MYO1E: variants seen among roughly 807,000 people sequenced by gnomAD.
MYO1E encodes unconventional myosin-Ie.
A neutral mutation model predicts 151.1 loss-of-function variants in MYO1E; 68 were observed. The ratio of observed to expected loss-of-function variants is 0.45; its 90% CI spans 0.37 to 0.55. The LOEUF is 0.55. Among genes scored for constraint, MYO1E ranks in the 20% least tolerant of loss-of-function variants. The pLI is 0.00. For synonymous variants in MYO1E, 601 were observed against 501.7 expected (o/e 1.20, Z -2.64); for missense variants, 1,363 against 1,389.3 (o/e 0.98, Z 0.30).
At position 59,258,989 on chromosome 15, in the gene MYO1E, G is replaced by T. The variant is rs1342094242; in HGVS notation, c.237+2431C>A. Reference sequence around the variant, plus strand: ...GTTTTTGTTTTTAAATAGAGACAGGGTCTCACCATGTTGCCCAGGCTGGTC... The same window carrying T: ...GTTTTTGTTTTTAAATAGAGACAGGTTCTCACCATGTTGCCCAGGCTGGTC... On this transcript the variant is annotated intron_variant, in intron 3 of 27. Coordinates refer to ENST00000288235, the MANE Select transcript of MYO1E (RefSeq NM_004998.4). Among the ~76,000 whole-genome samples, 9 of 151,054 alleles carry T rather than the reference G, an allele frequency of 6.0e-5. No individual in the cohort carries two copies. The East Asian group carries it at 1.6e-3, about 26-fold the overall frequency.
At chr15:59,340,192 G>T (rs1192430195) in intron 1 of MYO1E, among the ~76,000 whole-genome samples, 1 of 151,992 alleles carries the variant, frequency 6.6e-6, no homozygotes, top group African/African-American at 2.4e-5. Context: ...GGGCATGGTG[G>T]TGTGCAACCT....
chr15:59,166,437 G>A (rs2079563123), intron 22 of MYO1E, among the ~76,000 whole-genome samples: 2 of 151,892 alleles, frequency 1.3e-5, no homozygotes, highest in African/African-American at 2.4e-5. Context: ...CTGTCTTTGC[G>A]GCTTACTGTT....
intron 5 of MYO1E, 127 bp from the exon 6 acceptor site, chr15:59,231,918 T>C (rs747256108): frequency 2.5e-6 from 2 of 795,276 alleles, no homozygotes; most frequent in South Asian, 2.9e-5. Flanking sequence ...CGTGTGTCAC[T>C]GGTGGGGTTT....
At chr15:59,266,082 T>C (rs1391106695) in intron 2 of MYO1E, among the ~76,000 whole-genome samples, 5 of 152,218 alleles carry the variant, frequency 3.3e-5, no homozygotes, top group Admixed American at 6.5e-5. Flanking sequence ...CGGTGAGAGT[T>C]TGGAATAATT....
chr15:59,151,072 T>TAG (rs1246156393), intron 26 of MYO1E, among the ~76,000 whole-genome samples: 7 of 139,186 alleles, frequency 5.0e-5, no homozygotes, highest in Admixed American at 4.9e-4. Flanking sequence ...CACGTGCACT[T>TAG]AGAGAGAGGT....
At chr15:59,190,446 C>G (rs1289259005) in intron 17 of MYO1E, among the ~76,000 whole-genome samples, 1 of 152,230 alleles carries the variant, frequency 6.6e-6, no homozygotes, top group Non-Finnish European at 1.5e-5. Context: ...CAGTAAGGCT[C>G]TCACAAAAAC....
At chr15:59,244,076 G>C (rs1258350462) in intron 4 of MYO1E, among the ~76,000 whole-genome samples, 1 of 152,248 alleles carries the variant, frequency 6.6e-6, no homozygotes, top group Non-Finnish European at 1.5e-5. Context: ...CAGCCATGCT[G>C]AAACCACTGG....
intron 6 of MYO1E, among the ~76,000 whole-genome samples, chr15:59,231,473 C>A (rs1031725091): frequency 6.6e-6 from 1 of 152,188 alleles, no homozygotes; most frequent in Non-Finnish European, 1.5e-5. Flanking sequence ...AGTAAGGCAA[C>A]TGATGTGGAA....
At chr15:59,139,387 C>T (rs12898845) in intron 26 of MYO1E, among the ~76,000 whole-genome samples, 1 of 142,966 alleles carries the variant, frequency 7.0e-6, no homozygotes, top group African/African-American at 2.7e-5. Flanking sequence ...TTACTCATCA[C>T]ACTTCCCTCC....
intron 22 of MYO1E, among the ~76,000 whole-genome samples, chr15:59,164,755 C>T (rs2079555026): frequency 6.6e-6 from 1 of 152,212 alleles, no homozygotes; most frequent in African/African-American, 2.4e-5. Flanking sequence ...CTATCTCAGG[C>T]TTGTCAGGAA....
chr15:59,161,034 C>G lies in MYO1E; in HGVS notation c.2785+39G>C, dbSNP rs370901159. On this transcript the variant is annotated intron_variant, in intron 24 of 27. Coordinates refer to ENST00000288235, the MANE Select transcript of MYO1E (RefSeq NM_004998.4). ...CATTTGCTCGGGAGACTCGGGGGAGCGGCGGCAGTTCTGCCTGCAGGGCCC... is the reference window on the plus strand; with the variant it reads ...CATTTGCTCGGGAGACTCGGGGGAGGGGCGGCAGTTCTGCCTGCAGGGCCC... 3.1e-6 allele frequency: 5 copies of G among 1,611,162 alleles called. 1 individual carries two copies. The South Asian group carries it at 3.3e-5, about 11-fold the overall frequency.
chr15:59,160,370 T>C (rs1596346361), intron 24 of MYO1E, among the ~76,000 whole-genome samples: 1 of 149,880 alleles, frequency 6.7e-6, no homozygotes, highest in African/African-American at 2.5e-5. Context: ...TGTGTGTGTG[T>C]GTGTGTGTGT....
intron 2 of MYO1E, among the ~76,000 whole-genome samples, chr15:59,269,963 A>G (rs1386436456): frequency 1.3e-5 from 2 of 152,318 alleles, no homozygotes. Context: ...GTCTGTTACA[A>G]CTACTTAGCT....
At position 59,135,625 on chromosome 15, in the gene MYO1E, GGA is replaced by G. The variant is rs1277169202; in HGVS notation, c.*1753_*1754del. The G allele has an allele frequency of 6.6e-6, 1 of 152,208 alleles. No homozygotes were observed. Among genetic ancestry groups the G allele is most frequent in the Non-Finnish European group, 1.5e-5 (1 of 68,038 alleles). 9.4% of individuals were successfully genotyped at this position (152,208 alleles called of 1,614,324 possible). A position where few individuals can be genotyped will look rare whatever the true frequency, so the allele number is the denominator to read the frequency against. ...ACATTATTCGTTACTGTTACAGAATGGAGTTTGCTCCCTGTTCTTGAAGTAAA... is the reference window on the plus strand; with the variant it reads ...ACATTATTCGTTACTGTTACAGAATGGTTTGCTCCCTGTTCTTGAAGTAAA... On this transcript the variant is annotated 3_prime_UTR_variant, in exon 28 of 28. Transcript: ENST00000288235.
chr15:59,302,666 A>G (rs1446843066), intron 1 of MYO1E, among the ~76,000 whole-genome samples: 1 of 152,152 alleles, frequency 6.6e-6, no homozygotes, highest in African/African-American at 2.4e-5. Flanking sequence ...TTTTCTCTGA[A>G]TCTCCAGAGT....
chr15:59,370,535 C>G (rs1772557676), intron 1 of MYO1E, among the ~76,000 whole-genome samples: 2 of 152,166 alleles, frequency 1.3e-5, no homozygotes, highest in Non-Finnish European at 2.9e-5. Flanking sequence ...CCTGGGGGCA[C>G]ACAACATGCC....
In MYO1E at chr15:59,137,058, G is replaced by C. The variant is rs1228361543; in HGVS notation, c.*322C>G. 4.9e-6 allele frequency: 2 copies of C among 409,372 alleles called. No individual in the cohort carries two copies. The highest frequency in any genetic ancestry group is 2.0e-5 in the African/African-American group (1 of 49,006). The allele number at this position is 409,372 out of a possible 1,614,324, so 25.4% of individuals were successfully genotyped here. ...AGGCCTGGTGAGCAAGCAGGGTGCT[G>C]TTTTGATAGAAGCCTACAAGGTCTG... On this transcript the variant is annotated 3_prime_UTR_variant, in exon 28 of 28. Transcript: ENST00000288235.
chr15:59,324,137 G>A (rs755894353), intron 1 of MYO1E, among the ~76,000 whole-genome samples: 1 of 152,150 alleles, frequency 6.6e-6, no homozygotes, highest in Non-Finnish European at 1.5e-5. Flanking sequence ...CCGACAGAAC[G>A]TGAGACAAGT....
In MYO1E at chr15:59,214,448, T is replaced by A. The variant is rs115199785; in HGVS notation, c.1189-134A>T. ...TTGGATGCATCAAAAGAAATAAGTT[T>A]ATATTTAGGAGAAACTAATTTGGTA... On this transcript the variant is annotated intron_variant, in intron 11 of 27. Transcript: ENST00000288235. The A allele has an allele frequency of 3.7e-4, 332 of 892,172 alleles. No homozygotes were observed. In the African/African-American group the frequency reaches 5.0e-3, roughly 13 times the overall value. 55.3% of individuals were successfully genotyped at this position (892,172 alleles called of 1,614,324 possible).
Sources: gnomAD v4.1 joint callset for allele counts (sites outside exome capture counted in the v4.1 genomes callset) on GRCh38, gnomAD v4.1.1 for gene constraint, MANE v1.5 for transcripts, NCBI Gene and HGNC (gene_info 2026-07-23, HGNC 2026-07-21) for gene names.